TOX2: variants seen among roughly 807,000 people sequenced by gnomAD.
The protein encoded by TOX2 is granulosa cell HMG box 1.
A neutral mutation model predicts 47.4 loss-of-function variants in TOX2; 15 were observed. That is an observed-to-expected ratio of 0.32 (90% CI 0.21 to 0.49). The LOEUF (loss-of-function observed/expected upper bound fraction) is 0.49. TOX2 is among the 20% of genes least tolerant of loss of function. The pLI is 0.99. For synonymous variants in TOX2, 290 were observed against 296.6 expected (o/e 0.98, Z 0.23); for missense variants, 622 against 673.1 (o/e 0.92, Z 0.84).
intron 1 of TOX2, among the ~76,000 whole-genome samples, chr20:43,941,943 G>A (rs2069409122): frequency 6.6e-6 from 1 of 152,182 alleles, no homozygotes; most frequent in African/African-American, 2.4e-5. Context: ...TGCTACTGTA[G>A]TGAAAATCAA....
At position 43,920,754 on chromosome 20, in the gene TOX2, T is replaced by C. The variant is rs550515544; in HGVS notation, c.99+5764T>C. ...TGTGTGCAAAGGGAAGGCAAACCGGTGACCATCAGCCTAGAGGGATGGTGT... is the reference window on the plus strand; with the variant it reads ...TGTGTGCAAAGGGAAGGCAAACCGGCGACCATCAGCCTAGAGGGATGGTGT... On this transcript the variant is annotated intron_variant, in intron 1 of 8. Coordinates refer to ENST00000341197, the MANE Select transcript of TOX2 (RefSeq NM_001098797.2). Among the ~76,000 whole-genome samples the C allele has an allele frequency of 1.4e-4, 22 of 152,176 alleles. No homozygotes were observed. In the South Asian group the frequency reaches 4.6e-3, roughly 32 times the overall value.
At chr20:44,029,584 A>G (rs1343954527) in intron 3 of TOX2, among the ~76,000 whole-genome samples, 1 of 152,222 alleles carries the variant, frequency 6.6e-6, no homozygotes, top group Non-Finnish European at 1.5e-5. Flanking sequence ...CCCCAAAATG[A>G]GAACATGGCC....
chr20:43,958,600 T>G (rs919178412), intron 1 of TOX2, among the ~76,000 whole-genome samples: 12 of 152,246 alleles, frequency 7.9e-5, no homozygotes, highest in African/African-American at 2.9e-4. Context: ...GAATTGGTTC[T>G]AGGTCCCTAG....
intron 3 of TOX2, among the ~76,000 whole-genome samples, chr20:44,018,450 G>T (rs1170981273): frequency 6.6e-6 from 1 of 152,166 alleles, no homozygotes; most frequent in Admixed American, 6.5e-5. Context: ...ATTACTGGGT[G>T]TAATGGCTCT....
At chr20:44,014,463 T>C (rs2070839994) in intron 3 of TOX2, among the ~76,000 whole-genome samples, 1 of 152,136 alleles carries the variant, frequency 6.6e-6, no homozygotes, top group African/African-American at 2.4e-5. Context: ...TTGGGTTTTC[T>C]CTGTGCATTT....
At chr20:43,957,807 A>G (rs1346081333) in intron 1 of TOX2, among the ~76,000 whole-genome samples, 1 of 152,120 alleles carries the variant, frequency 6.6e-6, no homozygotes, top group Non-Finnish European at 1.5e-5. Context: ...GAAAACTTAC[A>G]ACCGTGGCAG....
chr20:44,042,187 A>G (rs2071342301), intron 3 of TOX2, among the ~76,000 whole-genome samples: 1 of 152,242 alleles, frequency 6.6e-6, no homozygotes, highest in Non-Finnish European at 1.5e-5. Flanking sequence ...GGGCTTGTGC[A>G]GGGGAACTCC....
intron 5 of TOX2, among the ~76,000 whole-genome samples, chr20:44,056,904 TCTC>T (rs2071629160): frequency 6.6e-6 from 1 of 152,148 alleles, no homozygotes; most frequent in African/African-American, 2.4e-5. Context: ...GATAATTTTG[TCTC>T]CTTTGTTATT....
At chr20:44,006,402 C>T in intron 2 of TOX2, 145 bp from the exon 3 acceptor site, 1 of 1,305,540 alleles carries the variant, frequency 7.7e-7, no homozygotes, top group South Asian at 1.4e-5. Flanking sequence ...ACCGTCTTGA[C>T]CCTCTGCCTT....
rs1033893903 is a variant in TOX2 at position 43,916,069 on chromosome 20, G to T, written c.99+1079G>T. The T allele has an allele frequency of 1.0e-6, 1 of 960,776 alleles. No individual in the cohort carries two copies. The highest frequency in any genetic ancestry group is 1.8e-5 in the African/African-American group (1 of 56,734). 59.5% of individuals were successfully genotyped at this position (960,776 alleles called of 1,614,324 possible). A position where few individuals can be genotyped will look rare whatever the true frequency, so the allele number is the denominator to read the frequency against. On this transcript the variant is annotated intron_variant, in intron 1 of 8. Transcript: ENST00000341197. The surrounding 1 kb of genome is among the most constrained non-coding windows in gnomAD (Gnocchi z 5.0). ...ACTTAGTTAGGAAGCCAGACTGTCCGCGCGTCCGCCAGTCGGTGCGTCGGT... is the reference window on the plus strand; with the variant it reads ...ACTTAGTTAGGAAGCCAGACTGTCCTCGCGTCCGCCAGTCGGTGCGTCGGT...
chr20:43,957,953 C>T (rs2069695455), intron 1 of TOX2, among the ~76,000 whole-genome samples: 1 of 152,122 alleles, frequency 6.6e-6, no homozygotes, highest in South Asian at 2.1e-4. Context: ...GATATCCGCC[C>T]CCAAGATCCA....
chr20:44,068,333 C>T (rs137909241), intron 8 of TOX2, among the ~76,000 whole-genome samples: 157 of 152,284 alleles, frequency 1.0e-3, no homozygotes, highest in African/African-American at 3.6e-3. Context: ...TTGAGATTTA[C>T]AAATTCCTGT....
intron 2 of TOX2, among the ~76,000 whole-genome samples, chr20:43,980,453 G>A (rs1205596316): frequency 6.6e-6 from 1 of 152,098 alleles, no homozygotes; most frequent in Non-Finnish European, 1.5e-5. Context: ...ATGTTTGATA[G>A]TACAACAAAG....
chr20:43,991,623 T>C (rs2070370099), intron 2 of TOX2, among the ~76,000 whole-genome samples: 1 of 91,330 alleles, frequency 1.1e-5, no homozygotes, highest in East Asian at 4.0e-4. Flanking sequence ...TCATTATTAT[T>C]ATTATTATTA....
chr20:43,999,696 T>G (rs1176701358), intron 2 of TOX2, among the ~76,000 whole-genome samples: 1 of 152,240 alleles, frequency 6.6e-6, no homozygotes, highest in African/African-American at 2.4e-5. Context: ...AAATTTCCAC[T>G]GGTCTTTTTT....
chr20:44,031,268 C>G (rs1039000556), intron 3 of TOX2, among the ~76,000 whole-genome samples: 9 of 152,156 alleles, frequency 5.9e-5, no homozygotes, highest in African/African-American at 1.7e-4. Context: ...GCCGCTGTTC[C>G]TTGGTAGCAT....
chr20:43,986,256 A>AATGT (rs11274396), intron 2 of TOX2, among the ~76,000 whole-genome samples: 6,980 of 149,754 alleles, frequency 0.047, 176 homozygotes, highest in African/African-American at 0.058. Context: ...AGCCTTTTAA[A>AATGT]ATGTATGTAT....
intron 1 of TOX2, among the ~76,000 whole-genome samples, chr20:43,966,937 C>T (rs150417303): frequency 4.9e-5 from 6 of 122,204 alleles, no homozygotes; most frequent in Admixed American, 1.8e-4. Flanking sequence ...CCAAGGTGTA[C>T]GATGGATTGT....
chr20:43,999,277 AG>A (rs1163940272), intron 2 of TOX2, among the ~76,000 whole-genome samples: 5 of 152,130 alleles, frequency 3.3e-5, no homozygotes, highest in Admixed American at 2.0e-4. Flanking sequence ...AGATTTTTCT[AG>A]ATTGATAAAG....
Sources: gnomAD v4.1 joint callset for allele counts (sites outside exome capture counted in the v4.1 genomes callset) on GRCh38, gnomAD v4.1.1 for gene constraint, Gnocchi (gnomAD v3.1) non-coding constraint, MANE v1.5 for transcripts, NCBI Gene and HGNC (gene_info 2026-07-23, HGNC 2026-07-21) for gene names.